FANCD2: variants seen among roughly 807,000 people sequenced by gnomAD.
The protein encoded by FANCD2 is Fanconi anemia group D2 protein.
FANCD2 carries 131 observed loss-of-function variants against 192.3 expected under a neutral mutation model. The observed-to-expected ratio is 0.68, with a 90% confidence interval of 0.59 to 0.79. FANCD2 has a LOEUF of 0.79. Among genes scored for constraint, FANCD2 ranks in the 30% least tolerant of loss-of-function variants. The pLI is 0.00. For missense variants in FANCD2, 1,508 were observed against 1,701.6 expected (o/e 0.89, Z 2.00); for synonymous variants, 524 against 612.5 (o/e 0.86, Z 2.13).
intron 19 of FANCD2, among the ~76,000 whole-genome samples, chr3:10,060,815 A>G (rs552606107): frequency 3.9e-5 from 6 of 152,240 alleles, no homozygotes; most frequent in African/African-American, 1.4e-4. Flanking sequence ...ATTTCCCCTC[A>G]CCTTGTTCCT....
chr3:10,037,667 T>C (rs769666326), intron 7 of FANCD2: 2 of 152,184 alleles, frequency 1.3e-5, no homozygotes, highest in African/African-American at 4.8e-5. Flanking sequence ...AAAAGATTAC[T>C]CTTTAAAATA....
chr3:10,076,367 C>A (rs1445735927), intron 29 of FANCD2, among the ~76,000 whole-genome samples: 1 of 151,640 alleles, frequency 6.6e-6, no homozygotes, highest in African/African-American at 2.4e-5. Flanking sequence ...CATCTTGGAT[C>A]CACAACTAGA....
rs1480379325 is a variant in FANCD2 at position 10,034,710 on chromosome 3, G to A, written c.289G>A (p.Val97Ile). 17 of 1,565,662 alleles carry A rather than the reference G, an allele frequency of 1.1e-5. No homozygotes were observed. In the East Asian group the frequency reaches 1.6e-4, roughly 15 times the overall value. The change falls in exon 5 of 44, where the codon GTT becomes ATT. Residue 97 changes from valine (V) to isoleucine (I), a missense_variant. Val to Ile is a conservative substitution (Grantham distance 29, BLOSUM62 3). Transcript: ENST00000675286. Reference sequence around the variant, plus strand: ...TCTCCTTAAGATAATAGAAGAATTTGTTAGTGGCCTGGAGTCTTACATTGA... The same window carrying A: ...TCTCCTTAAGATAATAGAAGAATTTATTAGTGGCCTGGAGTCTTACATTGA... Reference protein sequence around the residue: ...PSYPKIIEEFVSGLESYIEDE... With the variant: ...PSYPKIIEEFISGLESYIEDE...
chr3:10,074,455 C>A, intron 28 of FANCD2, 75 bp from the exon 29 acceptor site: 1 of 1,353,532 alleles, frequency 7.4e-7, no homozygotes, highest in South Asian at 1.3e-5. Flanking sequence ...CATATTTGTA[C>A]TTTGAAGTTT....
chr3:10,047,185 A>G (rs1278718013), intron 15 of FANCD2, among the ~76,000 whole-genome samples: 3 of 152,304 alleles, frequency 2.0e-5, no homozygotes, highest in Non-Finnish European at 2.9e-5. Context: ...AGCTAATGAG[A>G]ATACCTCGCT....
intron 18 of FANCD2, chr3:10,058,037 G>A: frequency 4.3e-6 from 2 of 468,298 alleles, no homozygotes; most frequent in Non-Finnish European, 8.1e-6. Context: ...CTTAATTCCG[G>A]CAAAGATCAT....
At chr3:10,087,306 A>C (rs2125073397) in intron 34 of FANCD2, 42 bp downstream of exon 34, 1 of 1,413,518 alleles carries the variant, frequency 7.1e-7, no homozygotes, top group Non-Finnish European at 9.7e-7. Context: ...TTTTTAATGA[A>C]TAGGACTAAT....
intron 30 of FANCD2, among the ~76,000 whole-genome samples, chr3:10,078,910 G>T (rs959815471): frequency 6.6e-6 from 1 of 151,300 alleles, no homozygotes; most frequent in Non-Finnish European, 1.5e-5. Context: ...GATTGCACCA[G>T]TGCACTCCAG....
Position 10,085,734 on chromosome 3 carries a change from T to G in FANCD2, c.3225-78T>G, listed in dbSNP as rs143239014. 7.0e-3 allele frequency: 6,501 copies of G among 928,308 alleles called. 51 individuals carry two copies. The highest frequency in any genetic ancestry group is 0.023 in the Middle Eastern group (106 of 4,606). The allele number at this position is 928,308 out of a possible 1,614,324, so 57.5% of individuals were successfully genotyped here. ...CCGTTAAACTATTGATGGTACAGAC[T>G]GGAGGCCAGGATCCTTAAATACTAT... On this transcript the variant is annotated intron_variant, in intron 32 of 43. Transcript: ENST00000675286.
At chr3:10,046,410 A>C (rs1289802546) in intron 14 of FANCD2, 170 bp from the exon 15 acceptor site, 15 of 1,144,334 alleles carry the variant, frequency 1.3e-5, no homozygotes, top group Non-Finnish European at 1.6e-5. Flanking sequence ...TATTTATCTG[A>C]AAAATATTTC....
rs7613823 is a variant in FANCD2, at chr3:10,034,962, G to A, written c.377+164G>A. On this transcript the variant is annotated intron_variant, in intron 5 of 43. Transcript: ENST00000675286. ...AAAATTCCTAAGCTTGTGGTTATGA[G>A]CCTAACAATCAGTGTTTTACCTATG... 0.03 allele frequency among the ~76,000 whole-genome samples: 4,492 copies of A among 152,202 alleles called. 229 individuals carry two copies. The highest frequency in any genetic ancestry group is 0.1 in the African/African-American group (4,276 of 41,498).
intron 1 of FANCD2, among the ~76,000 whole-genome samples, chr3:10,027,641 C>G (rs764524624): frequency 3.3e-5 from 5 of 152,042 alleles, no homozygotes; most frequent in African/African-American, 1.2e-4. Flanking sequence ...GCGGTTGGCT[C>G]ACGCCTGTAA....
At chr3:10,084,690 GC>G (rs1287058979) in intron 32 of FANCD2, among the ~76,000 whole-genome samples, 1 of 152,126 alleles carries the variant, frequency 6.6e-6, no homozygotes, top group African/African-American at 2.4e-5. Flanking sequence ...CACCTAATAG[GC>G]CCTCAGAATA....
chr3:10,040,885 T>C, intron 9 of FANCD2: 1 of 179,022 alleles, frequency 5.6e-6, no homozygotes, highest in South Asian at 1.0e-4. Context: ...GTATAGTCTT[T>C]TTTTTTTTTT....
chr3:10,066,070 C>T, intron 25 of FANCD2, 91 bp downstream of exon 25: 2 of 799,254 alleles, frequency 2.5e-6, no homozygotes, highest in Non-Finnish European at 4.2e-6. Flanking sequence ...TAGAAGTCTT[C>T]ACCAAGCACT....
At position 10,098,853 on chromosome 3, in the gene FANCD2, G is replaced by T. The variant is rs142378663; in HGVS notation, c.4281+38G>T. The T allele has an allele frequency of 1.9e-6, 3 of 1,614,192 alleles. No individual in the cohort carries two copies. Among genetic ancestry groups the T allele is most frequent in the Non-Finnish European group, 1.7e-6 (2 of 1,180,040 alleles). ...AACCCACCAGAGTCTGGCACTGATG[G>T]TTGCATTTTGTTAATTGTTCTAAGT... On this transcript the variant is annotated intron_variant, in intron 43 of 43. Coordinates refer to ENST00000675286, the MANE Select transcript of FANCD2 (RefSeq NM_001018115.3).
chr3:10,077,605 C>A (rs1199461731), intron 29 of FANCD2, among the ~76,000 whole-genome samples: 1 of 151,930 alleles, frequency 6.6e-6, no homozygotes, highest in African/African-American at 2.4e-5. Flanking sequence ...ATGAAATAGC[C>A]AGGTGTGGTG....
chr3:10,090,032 A>C (rs1037192125), intron 36 of FANCD2, among the ~76,000 whole-genome samples: 1 of 152,220 alleles, frequency 6.6e-6, no homozygotes, highest in Non-Finnish European at 1.5e-5. Flanking sequence ...ACTCAAACTC[A>C]GATCTTCTCA....
chr3:10,052,552 C>A, intron 18 of FANCD2, 55 bp downstream of exon 18: 1 of 1,208,092 alleles, frequency 8.3e-7, no homozygotes, highest in Non-Finnish European at 1.2e-6. Context: ...GAGTCTAGCT[C>A]TGTCTCCTAG....
Sources: gnomAD v4.1 joint callset for allele counts (sites outside exome capture counted in the v4.1 genomes callset) on GRCh38, gnomAD v4.1.1 for gene constraint, MANE v1.5 for transcripts, NCBI Gene and HGNC (gene_info 2026-07-23, HGNC 2026-07-21) for gene names.